The following UNC80 variants were observed in gnomAD, a reference collection of about 807,000 sequenced individuals.
UNC80 encodes the protein unc-80 subunit of NALCN channel complex.
UNC80 carries 164 observed loss-of-function variants against 384.6 expected under a neutral mutation model. That is an observed-to-expected ratio of 0.43 (90% CI 0.38 to 0.49). The LOEUF (loss-of-function observed/expected upper bound fraction) is 0.49, where lower values mean the gene tolerates loss of function less well. Among genes scored for constraint, UNC80 ranks in the 20% least tolerant of loss-of-function variants. UNC80 has a pLI of 0.00. For missense variants in UNC80, 3,330 were observed against 4,143.0 expected (o/e 0.80, Z 5.39); for synonymous variants, 1,486 against 1,527.8 (o/e 0.97, Z 0.64).
chr2:209,940,770 T>A (rs559358216), intron 43 of UNC80, among the ~76,000 whole-genome samples: 1 of 152,094 alleles, frequency 6.6e-6, no homozygotes. Context: ...TGAGCCGAGA[T>A]TGCGCCATTG....
intron 22 of UNC80, among the ~76,000 whole-genome samples, chr2:209,856,939 G>A (rs1315568310): frequency 3.3e-5 from 5 of 152,000 alleles, no homozygotes; most frequent in Admixed American, 2.6e-4. Flanking sequence ...ACAGGCACCC[G>A]CCACCATGCC....
At chr2:209,988,229 G>T (rs953094370) in intron 61 of UNC80, among the ~76,000 whole-genome samples, 59 of 152,078 alleles carry the variant, frequency 3.9e-4, no homozygotes, top group Non-Finnish European at 2.5e-4. Flanking sequence ...AATCACTCAG[G>T]GTAAACGATG....
intron 32 of UNC80, 119 bp downstream of exon 32, chr2:209,918,077 T>C: frequency 1.0e-6 from 1 of 972,888 alleles, no homozygotes; most frequent in East Asian, 2.6e-5. Context: ...TTCTCTCTGA[T>C]CATATAAGTA....
chr2:209,872,221 T>A lies in UNC80; in HGVS notation c.3628-537T>A, dbSNP rs76751987. On this transcript the variant is annotated intron_variant, in intron 22 of 64. Transcript: ENST00000673920. The surrounding 1 kb of genome is among the most constrained non-coding windows in gnomAD (Gnocchi z 4.1). The stretch of plus-strand genomic sequence containing the variant: ...TTGGCCAGGCTGGTCTTGAACTTCT[T>A]TTTTTAATAGCCAAAATGTGCAGAA... Among the ~76,000 whole-genome samples, 3 of 152,162 alleles carry A rather than the reference T, an allele frequency of 2.0e-5. No individual in the cohort carries two copies. In the East Asian group the frequency reaches 5.8e-4, roughly 29 times the overall value.
intron 36 of UNC80, among the ~76,000 whole-genome samples, chr2:209,928,677 G>A (rs1039837396): frequency 3.9e-5 from 6 of 151,982 alleles, no homozygotes; most frequent in Non-Finnish European, 1.5e-5. Flanking sequence ...TTTGTGTTAG[G>A]AACACTCAAA....
At chr2:209,912,751 A>G in intron 30 of UNC80, 84 bp downstream of exon 30, 1 of 909,466 alleles carries the variant, frequency 1.1e-6, no homozygotes, top group South Asian at 1.7e-5. Flanking sequence ...TGTTTGGGAC[A>G]TACAACATCA....
chr2:209,859,079 TAAA>T (rs1161798861), intron 22 of UNC80, among the ~76,000 whole-genome samples: 1 of 152,190 alleles, frequency 6.6e-6, no homozygotes, highest in African/African-American at 2.4e-5. Flanking sequence ...AATTTTTTTC[TAAA>T]AAAGAAGGAT....
chr2:209,849,374 C>T (rs2082367538), intron 21 of UNC80, 77 bp from the exon 22 acceptor site: 1 of 1,493,488 alleles, frequency 6.7e-7, no homozygotes, highest in African/African-American at 1.4e-5. Context: ...ACTGTTATAT[C>T]TTTGAAACTC....
At chr2:209,964,826 C>T (rs934745263) in intron 51 of UNC80, among the ~76,000 whole-genome samples, 8 of 147,998 alleles carry the variant, frequency 5.4e-5, no homozygotes, top group African/African-American at 1.7e-4. Context: ...GGGGGGAAAT[C>T]GACATATTAA....
intron 35 of UNC80, among the ~76,000 whole-genome samples, chr2:209,924,215 A>G (rs1456460900): frequency 1.3e-5 from 2 of 152,146 alleles, no homozygotes; most frequent in Admixed American, 6.6e-5. Flanking sequence ...AATTTAAATT[A>G]TATAATGTGG....
At position 209,844,486 on chromosome 2, in the gene UNC80, TCC is replaced by T. The variant is rs762160312; in HGVS notation, c.3454+2041_3454+2042del. ...TTCTTTCTTTCTTTCTTTCCTTCCT[TCC>T]TTCCTTCCTTCCTTCCTTCCTTCCT... On this transcript the variant is annotated intron_variant, in intron 21 of 64. Transcript: ENST00000673920. Among the ~76,000 whole-genome samples the T allele has an allele frequency of 1.3e-3, 117 of 91,836 alleles. 1 individual carries two copies. The highest frequency in any genetic ancestry group is 2.3e-3 in the Non-Finnish European group (101 of 43,894). The allele number at this position is 91,836 out of a possible 152,430, so 60.2% of individuals were successfully genotyped here. A position where few individuals can be genotyped will look rare whatever the true frequency, so the allele number is the denominator to read the frequency against.
intron 44 of UNC80, among the ~76,000 whole-genome samples, chr2:209,943,030 A>T (rs2091727508): frequency 6.6e-6 from 1 of 152,194 alleles, no homozygotes; most frequent in Admixed American, 6.5e-5. Flanking sequence ...ACCATAATTC[A>T]CTTAACCAAG....
At chr2:209,993,079 TC>T (rs1190196156) in intron 62 of UNC80, among the ~76,000 whole-genome samples, 2 of 152,268 alleles carry the variant, frequency 1.3e-5, no homozygotes, top group Non-Finnish European at 2.9e-5. Context: ...AAGTTTATGA[TC>T]TAAATTATGT....
intron 42 of UNC80, among the ~76,000 whole-genome samples, chr2:209,938,072 G>A (rs982343350): frequency 1.3e-5 from 2 of 151,964 alleles, no homozygotes; most frequent in Non-Finnish European, 2.9e-5. Flanking sequence ...CAAAGATTTG[G>A]ACTTCATCCC....
intron 61 of UNC80, among the ~76,000 whole-genome samples, chr2:209,985,568 A>G (rs2093270029): frequency 6.6e-6 from 1 of 152,248 alleles, no homozygotes; most frequent in African/African-American, 2.4e-5. Flanking sequence ...GAGAAGTCTT[A>G]TGATGCAAAT....
chr2:209,939,983 C>T (rs1053292989), intron 43 of UNC80, among the ~76,000 whole-genome samples: 3 of 152,150 alleles, frequency 2.0e-5, no homozygotes, highest in South Asian at 2.1e-4. Context: ...CGGGGCCCCA[C>T]GCTCCACCTC....
At chr2:209,958,981 G>C in intron 49 of UNC80, 138 bp from the exon 50 acceptor site, 1 of 642,538 alleles carries the variant, frequency 1.6e-6, no homozygotes. Flanking sequence ...TATGTTTTAG[G>C]AGTAATATAT....
chr2:209,913,650 T>C (rs559951346), intron 30 of UNC80, among the ~76,000 whole-genome samples, 152 bp from the exon 31 acceptor site: 1 of 152,344 alleles, frequency 6.6e-6, no homozygotes, highest in South Asian at 2.1e-4. Context: ...ATCTATCATA[T>C]GCCATGTCAA....
At chr2:209,875,388 G>A (rs1248971839) in intron 23 of UNC80, among the ~76,000 whole-genome samples, 1 of 152,164 alleles carries the variant, frequency 6.6e-6, no homozygotes, top group Non-Finnish European at 1.5e-5. Flanking sequence ...ATGAGCTAAT[G>A]TACCTAAAGA....
Sources: gnomAD v4.1 joint callset for allele counts (sites outside exome capture counted in the v4.1 genomes callset) on GRCh38, gnomAD v4.1.1 for gene constraint, Gnocchi (gnomAD v3.1) non-coding constraint, MANE v1.5 for transcripts, NCBI Gene and HGNC (gene_info 2026-07-23, HGNC 2026-07-21) for gene names.